NFASC: variants seen among roughly 807,000 people sequenced by gnomAD.
NFASC encodes neurofascin.
In NFASC, 43 loss-of-function variants were observed where a neutral mutation model predicts 147.5. The ratio of observed to expected loss-of-function variants is 0.29; its 90% CI spans 0.23 to 0.38. NFASC has a LOEUF of 0.38. Ranked by LOEUF, NFASC falls within the 10% of genes least tolerant of loss-of-function variation. The pLI, the probability that NFASC is intolerant of heterozygous loss-of-function variation, is 1.00. For missense variants in NFASC, 1,320 were observed against 1,689.0 expected, an observed-to-expected ratio of 0.78 and a Z score of 3.83; for synonymous variants, 622 against 665.5, an observed-to-expected ratio of 0.93 and a Z score of 1.01.
chr1:204,927,196 A>G lies in NFASC; in HGVS notation c.-91+6456A>G, dbSNP rs77507844. Among the ~76,000 whole-genome samples, 1,282 of 152,252 alleles carry G rather than the reference A, an allele frequency of 8.4e-3. 21 individuals are homozygous for G. Among genetic ancestry groups the G allele is most frequent in the African/African-American group, 0.029 (1,214 of 41,550 alleles). On this transcript the variant is annotated intron_variant, in intron 2 of 29. Coordinates refer to ENST00000339876, the MANE Select transcript of NFASC (RefSeq NM_001005388.3). Reference sequence around the variant, plus strand: ...TTAGGACATTTTTATCGCCACTCCCAGCCCCCGCAAGAATCTATGCCATTG... The same window carrying G: ...TTAGGACATTTTTATCGCCACTCCCGGCCCCCGCAAGAATCTATGCCATTG...
chr1:205,021,952 G>A lies in NFASC; in HGVS notation c.*5413G>A, dbSNP rs2096403213. ...TGTCTCTTGCTTTGTAACACATCGG[G>A]CCTTCAGTGTGCTGTATTCCTCAGA... On this transcript the variant is annotated 3_prime_UTR_variant, in exon 30 of 30. Transcript: ENST00000339876. 1 of 152,600 alleles carries A rather than the reference G, an allele frequency of 6.6e-6. No individual in the cohort carries two copies. Among genetic ancestry groups the A allele is most frequent in the South Asian group, 2.1e-4 (1 of 4,824 alleles). The allele number at this position is 152,600 out of a possible 1,614,324, so 9.5% of individuals were successfully genotyped here.
At chr1:205,013,331 A>C (rs1018683330) in intron 29 of NFASC, among the ~76,000 whole-genome samples, 5 of 152,272 alleles carry the variant, frequency 3.3e-5, no homozygotes, top group African/African-American at 1.2e-4. Flanking sequence ...TTAAAGCCTC[A>C]AGGAATGAAG....
chr1:204,995,513 C>T (rs1389658856), intron 24 of NFASC, among the ~76,000 whole-genome samples: 1 of 152,016 alleles, frequency 6.6e-6, no homozygotes, highest in East Asian at 1.9e-4. Flanking sequence ...CGCACGCCGC[C>T]CTGATGTCTG....
chr1:204,882,685 G>C (rs2080508075), intron 1 of NFASC, among the ~76,000 whole-genome samples: 1 of 152,162 alleles, frequency 6.6e-6, no homozygotes, highest in South Asian at 2.1e-4. Context: ...CCTGGCACCT[G>C]TGAGGCCCTC....
chr1:204,869,644 C>T (rs2077423122), intron 1 of NFASC, among the ~76,000 whole-genome samples: 1 of 152,088 alleles, frequency 6.6e-6, no homozygotes, highest in Non-Finnish European at 1.5e-5. Flanking sequence ...CCCAGTTGTA[C>T]AAATAAGGAA....
chr1:204,877,016 ATAT>A (rs2078990090), intron 1 of NFASC, among the ~76,000 whole-genome samples: 1 of 109,694 alleles, frequency 9.1e-6, no homozygotes, highest in Non-Finnish European at 1.6e-5. Flanking sequence ...ATATATATAT[ATAT>A]ATATATATAA....
intron 1 of NFASC, among the ~76,000 whole-genome samples, chr1:204,861,405 A>G (rs373122611): frequency 7.9e-5 from 12 of 150,982 alleles, no homozygotes; most frequent in East Asian, 6.0e-4. Flanking sequence ...CTTGCTTTCA[A>G]TTCTTCTGGG....
At position 205,009,787 on chromosome 1, in the gene NFASC, G is replaced by A; in HGVS notation, c.3421+99G>A. On this transcript the variant is annotated intron_variant, in intron 28 of 29. Transcript: ENST00000339876. ...CAGATCCGGGGAATGTGTTCTCTCA[G>A]TGAAGCCAGCCCTTGCCCGGATTGG... 3 of 1,289,820 alleles carry A rather than the reference G, an allele frequency of 2.3e-6. No individual in the cohort carries two copies. The South Asian group carries it at 4.0e-5, about 17-fold the overall frequency. 79.9% of individuals were successfully genotyped at this position (1,289,820 alleles called of 1,614,324 possible).
At position 204,979,453 on chromosome 1, in the gene NFASC, C is replaced by T; in HGVS notation, c.2070C>T (p.Leu690=). Residue 690 remains leucine, a synonymous_variant, in exon 19 of 30, where the codon CTC becomes CTT. Coordinates refer to ENST00000339876, the MANE Select transcript of NFASC (RefSeq NM_001005388.3). This position sits in a 1 kb window ranked among gnomAD's most constrained non-coding sequence, Gnocchi z 6.0. ...KYPGSVNSAV[L]RLSPYVNYQF... ...CCGGCAGCGTTAACTCAGCCGTCCT[C>T]CGGCTGTCCCCGTATGTCAACTACC... The T allele has an allele frequency of 1.2e-6, 2 of 1,613,972 alleles. No individual in the cohort carries two copies. The highest frequency in any genetic ancestry group is 1.7e-6 in the Non-Finnish European group (2 of 1,179,950).
In NFASC at chr1:204,987,392, C is replaced by T; in HGVS notation, c.2471-26C>T. 2 of 1,607,404 alleles carry T rather than the reference C, an allele frequency of 1.2e-6. No homozygotes were observed. The highest frequency in any genetic ancestry group is 8.5e-7 in the Non-Finnish European group (1 of 1,175,248). ...CCTCCCTGCCCCCTCCCCCTCATCT[C>T]CCCTGCTCTCTCCTCCTTCCCCAAG... On this transcript the variant is annotated intron_variant, in intron 21 of 29. Transcript: ENST00000339876. This position sits in a 1 kb window ranked among gnomAD's most constrained non-coding sequence, Gnocchi z 4.4.
At chr1:204,890,508 T>G (rs2082166748) in intron 1 of NFASC, among the ~76,000 whole-genome samples, 1 of 152,098 alleles carries the variant, frequency 6.6e-6, no homozygotes. Context: ...TTTCAGTAGC[T>G]TAAGTAAAGG....
At chr1:204,895,732 A>G (rs986502456) in intron 1 of NFASC, among the ~76,000 whole-genome samples, 1 of 152,220 alleles carries the variant, frequency 6.6e-6, no homozygotes, top group Non-Finnish European at 1.5e-5. Context: ...CATTATTTGA[A>G]TACCACATTG....
At chr1:204,830,657 T>TAC (rs78344210) in intron 1 of NFASC, among the ~76,000 whole-genome samples, 1 of 147,096 alleles carries the variant, frequency 6.8e-6, no homozygotes, top group African/African-American at 2.5e-5. Context: ...GATGTGTGTA[T>TAC]AGAGAGAGAG....
intron 1 of NFASC, among the ~76,000 whole-genome samples, chr1:204,829,084 T>TG (rs1055493748): frequency 3.1e-4 from 41 of 133,344 alleles, no homozygotes; most frequent in African/African-American, 1.2e-3. Context: ...CTTTCCTCTC[T>TG]GTCCCCGCCT....
intron 1 of NFASC, among the ~76,000 whole-genome samples, chr1:204,886,971 TA>T (rs1008144281): frequency 1.2e-4 from 18 of 152,096 alleles, no homozygotes; most frequent in East Asian, 5.8e-4. Flanking sequence ...TTTGCCTCAT[TA>T]AAAAAAATTG....
intron 2 of NFASC, among the ~76,000 whole-genome samples, chr1:204,931,893 C>T (rs1274007191): frequency 3.9e-5 from 6 of 152,142 alleles, no homozygotes; most frequent in Admixed American, 3.9e-4. Context: ...CAGTCCTCAA[C>T]AGGCTTTGGA....
chr1:204,997,308 C>A lies in NFASC; in HGVS notation c.2921C>A (p.Thr974Asn). Residue 974 changes from threonine to asparagine, a missense_variant, in exon 25 of 30, where the codon ACC (threonine) becomes AAC (asparagine). Thr to Asn is a moderately conservative substitution (Grantham distance 65). Coordinates refer to ENST00000339876, the MANE Select transcript of NFASC (RefSeq NM_001005388.3). Reference sequence around the variant, plus strand: ...GTCGCACCTACCACCATCGCCACCACCACCACCGTCGCCACAACTACTACA... The same window carrying A: ...GTCGCACCTACCACCATCGCCACCAACACCACCGTCGCCACAACTACTACA... ...PTVAPTTIAT[T>N]TTVATTTTTT... 1 of 1,591,744 alleles carries A rather than the reference C, an allele frequency of 6.3e-7. No individual in the cohort carries two copies. Among genetic ancestry groups the A allele is most frequent in the Non-Finnish European group, 8.6e-7 (1 of 1,169,202 alleles).
chr1:204,915,632 G>A (rs1160861767), intron 1 of NFASC, among the ~76,000 whole-genome samples: 2 of 152,148 alleles, frequency 1.3e-5, no homozygotes, highest in Non-Finnish European at 1.5e-5. Flanking sequence ...CAAAAAGTAA[G>A]TAAAATAATT....
chr1:204,873,302 A>G (rs1438908824), intron 1 of NFASC, among the ~76,000 whole-genome samples: 5 of 152,180 alleles, frequency 3.3e-5, no homozygotes, highest in Non-Finnish European at 7.3e-5. Flanking sequence ...GTGGTCTGCC[A>G]TGAAAGATGC....
Sources: allele counts gnomAD v4.1 joint callset (sites outside exome capture counted in the v4.1 genomes callset), GRCh38; gene constraint gnomAD v4.1.1; non-coding constraint Gnocchi (gnomAD v3.1); transcripts MANE v1.5; gene names NCBI Gene and HGNC (gene_info 2026-07-23, HGNC 2026-07-21).